The following IFT46 variants were observed in gnomAD, a reference collection of about 807,000 sequenced individuals.
IFT46 encodes intraflagellar transport 46, also known as intraflagellar transport protein 46 homolog.
In IFT46, 19 loss-of-function variants were observed where a neutral mutation model predicts 39.6. The ratio of observed to expected loss-of-function variants is 0.48; its 90% confidence interval spans 0.33 to 0.70. IFT46 has a LOEUF of 0.70. IFT46 is among the 30% of genes least tolerant of loss of function. The pLI, the probability that IFT46 is intolerant of heterozygous loss-of-function variation, is 0.01. For missense variants in IFT46, 334 were observed against 364.8 expected (o/e 0.92, Z 0.69); for synonymous variants, 117 against 134.8 (o/e 0.87, Z 0.91).
At chr11:118,560,003 C>A (rs1232212889) in intron 2 of IFT46, 139 bp from the exon 3 acceptor site, 4 of 621,882 alleles carry the variant, frequency 6.4e-6, no homozygotes, top group Non-Finnish European at 1.1e-5. Flanking sequence ...AGACAGGAGA[C>A]TGAATTCTAG....
chr11:118,567,074 C>G (rs1285326921), upstream of IFT46, among the ~76,000 whole-genome samples: 1 of 151,798 alleles, frequency 6.6e-6, no homozygotes, highest in Non-Finnish European at 1.5e-5. Context: ...CCCCTCCACT[C>G]TATTAAAAAT....
chr11:118,557,121 T>A (rs190943586), intron 3 of IFT46, 76 bp from the exon 4 acceptor site: 2 of 1,334,984 alleles, frequency 1.5e-6, no homozygotes, highest in East Asian at 2.7e-5. Context: ...TCTCTATTGC[T>A]CTAACCAATA....
chr11:118,576,359 C>T (rs1484177769), upstream of IFT46, among the ~76,000 whole-genome samples: 9 of 132,922 alleles, frequency 6.8e-5, no homozygotes, highest in African/African-American at 2.3e-4. Context: ...TCAGTTTTCA[C>T]ATCTGTAAGA....
At chr11:118,575,214 G>T (rs1591379144), upstream of IFT46, among the ~76,000 whole-genome samples, 1 of 152,100 alleles carries the variant, frequency 6.6e-6, no homozygotes, top group Non-Finnish European at 1.5e-5. Flanking sequence ...TCCTCACCTC[G>T]TGATCTGCCC....
At position 118,555,298 on chromosome 11, in the gene IFT46, C is replaced by T. The variant is rs1237518377; in HGVS notation, c.210G>A (p.Glu70=). The T allele has an allele frequency of 5.6e-6, 9 of 1,614,034 alleles. No homozygotes were observed. The highest frequency in any genetic ancestry group is 7.6e-6 in the Non-Finnish European group (9 of 1,179,978). The change falls in exon 5 of 12, where the codon GAG becomes GAA. Residue 70 remains glutamate (E), a synonymous_variant. Coordinates refer to ENST00000264021, the MANE Select transcript of IFT46 (RefSeq NM_001168618.2). Reference sequence around the variant, plus strand: ...TAATTTCAGCAGAAACTGGCAAATGCTCATAGTCTGCAGGGTCATAGGCCC... The same window carrying T: ...TAATTTCAGCAGAAACTGGCAAATGTTCATAGTCTGCAGGGTCATAGGCCC... ...LEGAYDPADY[E]HLPVSAEIKE...
Position 118,559,787 on chromosome 11 carries a change from T to C in IFT46, c.43A>G (p.Lys15Glu), listed in dbSNP as rs1937971920. ...AGAAGCTGTGAGTTTTACTGTACCT[T>C]GTTATTTTCCTCTTCACACTCATCA... ...SSDECEEENN[K>E]EKKKTSQLTP... The change falls in exon 3 of 12, where the codon AAG becomes GAG. Residue 15 changes from lysine (K) to glutamate (E), a missense_variant and splice_region_variant. Lys to Glu is a moderately conservative substitution (Grantham distance 56). Transcript: ENST00000264021. 1.2e-6 allele frequency: 2 copies of C among 1,612,504 alleles called. No homozygotes were observed. The highest frequency in any genetic ancestry group is 1.7e-6 in the Non-Finnish European group (2 of 1,178,572).
intron 1 of IFT46, chr11:118,572,341 A>AGGG: frequency 4.0e-6 from 1 of 246,926 alleles, no homozygotes; most frequent in Non-Finnish European, 8.1e-6. Context: ...CCCAGCCCAC[A>AGGG]GGCCCCGCCC....
chr11:118,557,662 C>T (rs1937885543), intron 3 of IFT46: 1 of 1,539,748 alleles, frequency 6.5e-7, no homozygotes, highest in East Asian at 2.2e-5. Flanking sequence ...CTTCCCTTAC[C>T]CCATAAATTA....
At chr11:118,546,481 C>A in intron 9 of IFT46, 5 of 244,748 alleles carry the variant, frequency 2.0e-5, no homozygotes, top group Non-Finnish European at 3.2e-5. Flanking sequence ...TAGAGTAATA[C>A]CCTGTAAAAA....
chr11:118,576,141 C>T (rs1413523260), upstream of IFT46, among the ~76,000 whole-genome samples: 1 of 151,762 alleles, frequency 6.6e-6, no homozygotes, highest in African/African-American at 2.4e-5. Context: ...AAAGGCAGAA[C>T]AGAAACCTAA....
chr11:118,561,199 G>C (rs1335631866), intron 2 of IFT46: 4 of 1,389,300 alleles, frequency 2.9e-6, no homozygotes, highest in Non-Finnish European at 4.0e-6. Flanking sequence ...ATGGAGGCTT[G>C]TCTGTCCCTC....
chr11:118,545,577 C>T (rs1951660042), intron 10 of IFT46, 83 bp from the exon 11 acceptor site: 2 of 1,243,682 alleles, frequency 1.6e-6, no homozygotes, highest in East Asian at 4.6e-5. Flanking sequence ...AGGCAAAGCC[C>T]TGGCAGATGG....
upstream of IFT46, among the ~76,000 whole-genome samples, chr11:118,576,330 T>G (rs148974090): frequency 9.2e-4 from 135 of 147,020 alleles, 3 homozygotes; most frequent in East Asian, 0.013. Context: ...CCTGGAGAGA[T>G]CATCTAACTT....
In IFT46 at chr11:118,555,303, A is replaced by G; in HGVS notation, c.205T>C (p.Tyr69His). ...PLEGAYDPAD[Y>H]EHLPVSAEIK... ...TCAGCAGAAACTGGCAAATGCTCATAGTCTGCAGGGTCATAGGCCCTGGGA... is the reference window on the plus strand; with the variant it reads ...TCAGCAGAAACTGGCAAATGCTCATGGTCTGCAGGGTCATAGGCCCTGGGA... The change falls in exon 5 of 12, where the codon TAT becomes CAT. Residue 69 changes from tyrosine to histidine, a missense_variant. Tyr to His is a moderately conservative substitution (Grantham distance 83). Transcript: ENST00000264021. 1 of 1,614,070 alleles carries G rather than the reference A, an allele frequency of 6.2e-7. No homozygotes were observed. The highest frequency in any genetic ancestry group is 8.5e-7 in the Non-Finnish European group (1 of 1,179,964).
intron 2 of IFT46, among the ~76,000 whole-genome samples, chr11:118,563,642 G>A (rs560161038): frequency 3.9e-5 from 6 of 152,090 alleles, no homozygotes; most frequent in East Asian, 1.9e-4. Context: ...TTCCACACAC[G>A]ACAGCAACAC....
intron 7 of IFT46, 80 bp from the exon 8 acceptor site, chr11:118,552,415 C>CAG: frequency 6.5e-7 from 1 of 1,528,284 alleles, no homozygotes; most frequent in Admixed American, 1.9e-5. Flanking sequence ...ATATCTGCTG[C>CAG]TGTTTCATAT....
Position 118,545,816 on chromosome 11 carries a change from G to A in IFT46, c.710C>T (p.Ala237Val), listed in dbSNP as rs1230517039. ...LPTAEIDCSL[A>V]EYIDMICAIL... is the part of the protein sequence containing the mutation. ...ACCACAGATCATGTCAATGTACTCTGCCAGGCTGCAATCAATCTCTGCCGT... is the reference window on the plus strand; with the variant it reads ...ACCACAGATCATGTCAATGTACTCTACCAGGCTGCAATCAATCTCTGCCGT... Residue 237 changes from alanine to valine, a missense_variant, in exon 10 of 12, where the codon GCA becomes GTA. Ala to Val is a moderately conservative substitution (Grantham distance 64). Coordinates refer to ENST00000264021, the MANE Select transcript of IFT46 (RefSeq NM_001168618.2). 1.2e-6 allele frequency: 2 copies of A among 1,614,072 alleles called. No individual in the cohort carries two copies. Among genetic ancestry groups the A allele is most frequent in the Non-Finnish European group, 1.7e-6 (2 of 1,180,022 alleles).
At position 118,545,839 on chromosome 11, in the gene IFT46, C is replaced by T. The variant is rs569967687; in HGVS notation, c.687G>A (p.Thr229=). The change falls in exon 10 of 12, where the codon ACG becomes ACA. Residue 229 remains threonine, a synonymous_variant. Transcript: ENST00000264021. ...CTGCCAGGCTGCAATCAATCTCTGC[C>T]GTGGGCAGGCTTACCTGGAAGGGGC... ...EELLGKVSLP[T]AEIDCSLAEY... 1.2e-5 allele frequency: 19 copies of T among 1,614,150 alleles called. No homozygotes were observed. The highest frequency in any genetic ancestry group is 5.3e-5 in the African/African-American group (4 of 75,048).
intron 9 of IFT46, among the ~76,000 whole-genome samples, chr11:118,548,308 T>C (rs1951742618): frequency 6.6e-6 from 1 of 151,430 alleles, no homozygotes. Flanking sequence ...ATGGTGTCTA[T>C]TGGTATGTAG....
Sources: allele counts gnomAD v4.1 joint callset (sites outside exome capture counted in the v4.1 genomes callset), GRCh38; gene constraint gnomAD v4.1.1; transcripts MANE v1.5; gene names NCBI Gene and HGNC (gene_info 2026-07-23, HGNC 2026-07-21).